The following SLC38A8 variants were observed in gnomAD, a reference collection of about 807,000 sequenced individuals.
The protein encoded by SLC38A8 is amino acid transporter SLC38A8.
A neutral mutation model predicts 46.0 loss-of-function variants in SLC38A8; 65 were observed. The observed-to-expected ratio is 1.41, with a 90% CI of 1.16 to 1.74. The LOEUF (loss-of-function observed/expected upper bound fraction) is 1.74. SLC38A8 is among the 40% of genes most tolerant of loss of function. SLC38A8 has a pLI of 0.00. For synonymous variants in SLC38A8, 447 were observed against 243.7 expected, an observed-to-expected ratio of 1.83 and a Z score of -7.77; for missense variants, 998 against 567.9, an observed-to-expected ratio of 1.76 and a Z score of -7.70.
At chr16:84,024,032 G>A (rs567344628) in intron 6 of SLC38A8, among the ~76,000 whole-genome samples, 11 of 152,198 alleles carry the variant, frequency 7.2e-5, no homozygotes, top group Non-Finnish European at 1.5e-4. Flanking sequence ...CTTGGCAGCC[G>A]CCCTGTGTGT....
intron 10 of SLC38A8, among the ~76,000 whole-genome samples, chr16:84,010,193 C>T (rs1313844401): frequency 6.6e-6 from 1 of 151,336 alleles, no homozygotes; most frequent in South Asian, 2.1e-4. Context: ...GCCTCAGCCT[C>T]CCAAGTAACT....
chr16:84,035,240 G>A (rs1287468151), intron 3 of SLC38A8, among the ~76,000 whole-genome samples: 3 of 152,300 alleles, frequency 2.0e-5, no homozygotes, highest in Admixed American at 6.5e-5. Context: ...CACTGTGGGG[G>A]AGCAGGACGT....
chr16:84,034,901 G>A (rs902540051), intron 3 of SLC38A8, among the ~76,000 whole-genome samples: 6 of 152,104 alleles, frequency 3.9e-5, no homozygotes, highest in East Asian at 1.9e-4. Context: ...CCTAAACCCA[G>A]CGTTCCCGGA....
Position 84,016,608 on chromosome 16 carries a change from G to C in SLC38A8, c.1073C>G (p.Thr358Arg), listed in dbSNP as rs573821154. Residue 358 changes from threonine to arginine, a missense_variant, in exon 9 of 11, where the codon ACG (threonine) becomes AGG (arginine). Physicochemically the swap from Thr to Arg is moderately conservative, Grantham distance 71 (BLOSUM62 -1). Transcript: ENST00000299709. Reference protein sequence around the residue: ...MPLTILWVTVTLAMALFMPDL... With the variant: ...MPLTILWVTVRLAMALFMPDL... Reference sequence around the variant, plus strand: ...AGGCATAAACAGCGCCATGGCGAGCGTCACGGTGACCCACAGGATGGTCAG... The same window carrying C: ...AGGCATAAACAGCGCCATGGCGAGCCTCACGGTGACCCACAGGATGGTCAG... 3 of 1,613,964 alleles carry C rather than the reference G, an allele frequency of 1.9e-6. No individual in the cohort carries two copies. The highest frequency in any genetic ancestry group is 1.1e-5 in the South Asian group (1 of 91,090).
intron 9 of SLC38A8, among the ~76,000 whole-genome samples, chr16:84,014,117 T>G (rs1313351522): frequency 6.7e-6 from 1 of 148,248 alleles, no homozygotes; most frequent in Non-Finnish European, 1.5e-5. Context: ...ACCCCTCACC[T>G]CTAAAACCTC....
At position 84,016,717 on chromosome 16, in the gene SLC38A8, G is replaced by A. The variant is rs763713707; in HGVS notation, c.964C>T (p.Gln322Ter). Residue 322 changes from glutamine (Q) to a stop codon, truncating the protein, a stop_gained, in exon 9 of 11, where the codon CAG (glutamine) becomes TAG (stop). Transcript: ENST00000299709. LOFTEE classifies it high-confidence loss of function. ...IVLFLGRSVMQDFWRRSCLGG... is the reference protein window; with the variant it reads ...IVLFLGRSVM ...AAGCAGCTCCTCCTCCAGAAGTCCTGCATCACTGACCTGGAGGCCACAGCC... is the reference window on the plus strand; with the variant it reads ...AAGCAGCTCCTCCTCCAGAAGTCCTACATCACTGACCTGGAGGCCACAGCC... 37 of 1,612,362 alleles carry A rather than the reference G, an allele frequency of 2.3e-5. No individual in the cohort carries two copies. Among genetic ancestry groups the A allele is most frequent in the Non-Finnish European group, 2.8e-5 (33 of 1,179,776 alleles).
chr16:84,032,004 G>T (rs563747225), intron 4 of SLC38A8, 36 bp from the exon 5 acceptor site: 12 of 1,569,998 alleles, frequency 7.6e-6, no homozygotes, highest in Non-Finnish European at 9.6e-6. Flanking sequence ...TGCGCAGTGG[G>T]TGACATGTGC....
rs751148328 is a variant in SLC38A8 at position 84,031,915 on chromosome 16, T to C, written c.584A>G (p.Tyr195Cys). The change falls in exon 5 of 11, where the codon TAC (tyrosine) becomes TGC (cysteine). Residue 195 changes from tyrosine to cysteine, a missense_variant. Physicochemically the swap from Tyr to Cys is radical, Grantham distance 194. Coordinates refer to ENST00000299709, the MANE Select transcript of SLC38A8 (RefSeq NM_001080442.3). ...CACGAGGCCCTGGGGCCAGAGGTAG[T>C]ACTGCACGGTGATGACCAGGGCCAG... ...CYLALVITVQ[Y>C]YLWPQGLVRE... 1 of 1,614,210 alleles carries C rather than the reference T, an allele frequency of 6.2e-7. No individual in the cohort carries two copies. Among genetic ancestry groups the C allele is most frequent in the Non-Finnish European group, 8.5e-7 (1 of 1,180,034 alleles).
At chr16:84,036,939 C>G in intron 2 of SLC38A8, 39 bp from the exon 3 acceptor site, 1 of 1,555,384 alleles carries the variant, frequency 6.4e-7, no homozygotes, top group Non-Finnish European at 8.7e-7. Context: ...GGGGTGTGCC[C>G]ACAGCCCACC....
Position 84,037,719 on chromosome 16 carries a change from C to A in SLC38A8, c.190-819G>T, listed in dbSNP as rs1234799527. Among the ~76,000 whole-genome samples the A allele has an allele frequency of 7.3e-5, 11 of 151,164 alleles. No individual in the cohort carries two copies. The East Asian group carries it at 2.1e-3, about 29-fold the overall frequency. ...GACGTTGCAGTGAGCCAAAATTGTA[C>A]CTCTGTACTCCAGCCTGGGGGATAC... is the stretch of plus-strand genomic sequence containing the variant. On this transcript the variant is annotated intron_variant, in intron 2 of 10. Transcript: ENST00000299709.
intron 3 of SLC38A8, 123 bp from the exon 4 acceptor site, chr16:84,033,592 G>A: frequency 8.8e-7 from 1 of 1,130,558 alleles, no homozygotes; most frequent in South Asian, 1.6e-5. Flanking sequence ...CAGGAGCCCA[G>A]GGATCAGACG....
chr16:84,039,808 G>GAGCC (rs58476031), intron 2 of SLC38A8: 24,885 of 149,510 alleles, frequency 0.17, 2,638 homozygotes, highest in Non-Finnish European at 0.23. Flanking sequence ...CCTCACTGGT[G>GAGCC]AGCCAGCCAT....
intron 7 of SLC38A8, among the ~76,000 whole-genome samples, chr16:84,021,008 T>A (rs57903523): frequency 6.6e-6 from 1 of 152,212 alleles, no homozygotes; most frequent in African/African-American, 2.4e-5. Flanking sequence ...TGCAGCATCC[T>A]GAATGCTCTG....
intron 7 of SLC38A8, among the ~76,000 whole-genome samples, chr16:84,021,256 G>C (rs746618628): frequency 6.6e-6 from 1 of 152,066 alleles, no homozygotes; most frequent in Non-Finnish European, 1.5e-5. Context: ...ATAGAAATGC[G>C]GTTTTACCAT....
chr16:84,030,555 C>T (rs2085225856), intron 5 of SLC38A8, among the ~76,000 whole-genome samples: 1 of 152,096 alleles, frequency 6.6e-6, no homozygotes, highest in Non-Finnish European at 1.5e-5. Context: ...GTCGGCTCTA[C>T]CTTGACTGTT....
At chr16:84,028,608 G>A (rs894967331) in intron 6 of SLC38A8, among the ~76,000 whole-genome samples, 8 of 150,960 alleles carry the variant, frequency 5.3e-5, no homozygotes, top group African/African-American at 1.9e-4. Context: ...AGCAGTGTCT[G>A]CTTCCACCTG....
chr16:84,029,456 G>A lies in SLC38A8; in HGVS notation c.690+38C>T, dbSNP rs1446547875. The A allele has an allele frequency of 5.6e-6, 9 of 1,610,738 alleles. No individual in the cohort carries two copies. The East Asian group carries it at 6.7e-5, about 12-fold the overall frequency. ...GAGCAGAGAGTCACCCACAGCCTCTGCAAACGCCACAGGCTGCAACACAGA... is the reference window on the plus strand; with the variant it reads ...GAGCAGAGAGTCACCCACAGCCTCTACAAACGCCACAGGCTGCAACACAGA... On this transcript the variant is annotated intron_variant, in intron 6 of 10. Coordinates refer to ENST00000299709, the MANE Select transcript of SLC38A8 (RefSeq NM_001080442.3).
In SLC38A8 at chr16:84,016,604, G is replaced by A. The variant is rs77876966; in HGVS notation, c.1077C>T (p.Leu359=). The change falls in exon 9 of 11, where the codon CTC becomes CTT. Residue 359 remains leucine, a synonymous_variant. Coordinates refer to ENST00000299709, the MANE Select transcript of SLC38A8 (RefSeq NM_001080442.3). ...GGTCAGGCATAAACAGCGCCATGGCGAGCGTCACGGTGACCCACAGGATGG... is the reference window on the plus strand; with the variant it reads ...GGTCAGGCATAAACAGCGCCATGGCAAGCGTCACGGTGACCCACAGGATGG... ...PLTILWVTVT[L]AMALFMPDLS... is the part of the protein sequence containing the mutation. The A allele has an allele frequency of 0.048, 78,228 of 1,613,934 alleles. 2,259 individuals are homozygous for A. Among genetic ancestry groups the A allele is most frequent in the Middle Eastern group, 0.077 (464 of 6,062 alleles).
At chr16:84,013,211 G>A (rs76584708) in intron 9 of SLC38A8, among the ~76,000 whole-genome samples, 159 bp from the exon 10 acceptor site, 5,567 of 152,278 alleles carry the variant, frequency 0.037, 341 homozygotes, top group African/African-American at 0.13. Flanking sequence ...AGTGGAGCTG[G>A]AAGGACGGGG....
Sources: gnomAD v4.1 joint callset for allele counts (sites outside exome capture counted in the v4.1 genomes callset) on GRCh38, gnomAD v4.1.1 for gene constraint, MANE v1.5 for transcripts, NCBI Gene and HGNC (gene_info 2026-07-23, HGNC 2026-07-21) for gene names.